TENM4: variants seen among roughly 807,000 people sequenced by gnomAD.
TENM4 encodes teneurin transmembrane protein 4.
Under a neutral mutation model 243.3 loss-of-function variants are expected in TENM4, and 82 were observed. The ratio of observed to expected loss-of-function variants is 0.34; its 90% confidence interval spans 0.28 to 0.40. The LOEUF (loss-of-function observed/expected upper bound fraction) is 0.40. TENM4 is among the 10% of genes least tolerant of loss of function. The probability of loss-of-function intolerance (pLI) is 1.00; values close to 1 mark genes in which losing one functional copy is unlikely to be tolerated. For synonymous variants in TENM4, 1,412 were observed against 1,456.3 expected (o/e 0.97, Z 0.69); for missense variants, 3,138 against 3,673.3 (o/e 0.85, Z 3.77).
chr11:79,098,455 A>T (rs759459669), intron 4 of TENM4, among the ~76,000 whole-genome samples: 7 of 152,124 alleles, frequency 4.6e-5, no homozygotes, highest in Non-Finnish European at 1.0e-4. Context: ...TCCACTCAGC[A>T]CGAGTCTGAG....
chr11:78,838,251 C>A (rs1484298859), intron 12 of TENM4, among the ~76,000 whole-genome samples: 2 of 152,162 alleles, frequency 1.3e-5, no homozygotes, highest in South Asian at 2.1e-4. Context: ...TAGCCATTAC[C>A]TGTAAGATCA....
intron 15 of TENM4, among the ~76,000 whole-genome samples, chr11:78,792,478 C>T (rs1279970119): frequency 6.6e-6 from 1 of 152,032 alleles, no homozygotes. Flanking sequence ...CCTGGCAACA[C>T]GTGAGCTCTT....
chr11:78,978,215 C>A (rs937853397), intron 6 of TENM4, among the ~76,000 whole-genome samples: 1 of 151,254 alleles, frequency 6.6e-6, no homozygotes, highest in Non-Finnish European at 1.5e-5. Flanking sequence ...GGATGGGGGG[C>A]TAGGGGAGGG....
chr11:78,803,326 G>C (rs1020078492), intron 15 of TENM4, among the ~76,000 whole-genome samples: 2 of 152,284 alleles, frequency 1.3e-5, no homozygotes, highest in South Asian at 4.1e-4. Flanking sequence ...ACTGTGCCCA[G>C]CCTTTCATTT....
At chr11:79,299,062 CCACACA>C (rs61589223) in intron 1 of TENM4, among the ~76,000 whole-genome samples, 77 of 149,938 alleles carry the variant, frequency 5.1e-4, no homozygotes, top group East Asian at 3.4e-3. Context: ...GGTGCTGTAT[CCACACA>C]CACACACACA....
At chr11:79,164,318 CTAGTATATATAGTATATAGATAT>C (rs1565231109) in intron 3 of TENM4, among the ~76,000 whole-genome samples, 1 of 123,174 alleles carries the variant, frequency 8.1e-6, no homozygotes, top group African/African-American at 3.5e-5. Flanking sequence ...TATAGATATA[CTAGTATATATAGTATATAGATAT>C]ACTATATAGA....
chr11:79,050,257 G>A (rs1336630565), intron 6 of TENM4, among the ~76,000 whole-genome samples: 5 of 152,176 alleles, frequency 3.3e-5, no homozygotes, highest in Non-Finnish European at 7.3e-5. Context: ...GGAAAAAAGT[G>A]ACACGATCTT....
At chr11:79,432,838 C>G (rs571063196) in intron 1 of TENM4, among the ~76,000 whole-genome samples, 69 of 152,258 alleles carry the variant, frequency 4.5e-4, no homozygotes, top group African/African-American at 1.6e-3. Context: ...CTAGGAGAAA[C>G]AAGGATTTAG....
At chr11:79,410,248 T>A (rs780840894) in intron 1 of TENM4, among the ~76,000 whole-genome samples, 1 of 152,146 alleles carries the variant, frequency 6.6e-6, no homozygotes, top group Non-Finnish European at 1.5e-5. Context: ...TTACCTACAC[T>A]CAAATCCTTT....
intron 4 of TENM4, among the ~76,000 whole-genome samples, chr11:79,104,023 CT>C (rs1434269513): frequency 6.6e-6 from 1 of 152,202 alleles, no homozygotes; most frequent in Non-Finnish European, 1.5e-5. Flanking sequence ...TAGAACACCC[CT>C]ATCCCAGATT....
intron 2 of TENM4, among the ~76,000 whole-genome samples, chr11:79,291,071 T>C (rs1856348225): frequency 6.6e-6 from 1 of 151,656 alleles, no homozygotes. Flanking sequence ...AAAACCAGGG[T>C]TTTTGCTGTG....
intron 3 of TENM4, among the ~76,000 whole-genome samples, chr11:79,209,817 C>T (rs952797872): frequency 1.3e-5 from 2 of 152,182 alleles, no homozygotes; most frequent in East Asian, 1.9e-4. Flanking sequence ...ATGGTATTTC[C>T]AAAGGACAAG....
chr11:79,213,559 C>T (rs185389498), intron 3 of TENM4, among the ~76,000 whole-genome samples: 27 of 152,288 alleles, frequency 1.8e-4, no homozygotes, highest in Admixed American at 1.1e-3. Flanking sequence ...TTTTGCAAAA[C>T]GTCTTTCCTC....
intron 2 of TENM4, among the ~76,000 whole-genome samples, chr11:79,225,256 A>G (rs1040370392): frequency 2.6e-5 from 4 of 152,210 alleles, no homozygotes; most frequent in African/African-American, 9.7e-5. Flanking sequence ...GCAGTGAGAG[A>G]AGGAAGCTTA....
chr11:79,041,482 A>T (rs1460650914), intron 6 of TENM4, among the ~76,000 whole-genome samples: 1 of 115,202 alleles, frequency 8.7e-6, no homozygotes, highest in Non-Finnish European at 1.8e-5. Flanking sequence ...CTCTTGGCAC[A>T]TTGGAGGCAC....
chr11:78,685,197 G>A (rs1379062779), intron 29 of TENM4, among the ~76,000 whole-genome samples: 2 of 152,184 alleles, frequency 1.3e-5, no homozygotes, highest in African/African-American at 2.4e-5. Context: ...ATCCACATAT[G>A]TCCATTAATG....
intron 9 of TENM4, among the ~76,000 whole-genome samples, chr11:78,888,903 C>T (rs1855602762): frequency 6.6e-6 from 1 of 152,234 alleles, no homozygotes; most frequent in Non-Finnish European, 1.5e-5. Flanking sequence ...GCCAATCTCC[C>T]TTCCAATGCC....
intron 6 of TENM4, among the ~76,000 whole-genome samples, chr11:78,982,810 G>C (rs1778054993): frequency 6.6e-6 from 1 of 152,326 alleles, no homozygotes; most frequent in South Asian, 2.1e-4. Context: ...CTAAATCCCT[G>C]TTTCTCCTGC....
chr11:78,807,974 G>A (rs918781606), intron 14 of TENM4, among the ~76,000 whole-genome samples: 9 of 152,226 alleles, frequency 5.9e-5, no homozygotes, highest in Non-Finnish European at 1.0e-4. Context: ...TGAAAGGACC[G>A]TATAAACTGT....
Sources: allele counts gnomAD v4.1 joint callset (sites outside exome capture counted in the v4.1 genomes callset), GRCh38; gene constraint gnomAD v4.1.1; transcripts MANE v1.5; gene names NCBI Gene and HGNC (gene_info 2026-07-23, HGNC 2026-07-21).